Variants in LMBRD1 observed in about 807,000 individuals in gnomAD.
LMBRD1 encodes the protein LMBR1 domain containing 1.
A neutral mutation model predicts 74.8 loss-of-function variants in LMBRD1; 64 were observed. The ratio of observed to expected loss-of-function variants is 0.86; its 90% confidence interval spans 0.70 to 1.05. LMBRD1 has a LOEUF of 1.05. Among genes scored for constraint, LMBRD1 ranks in the 50% least tolerant of loss-of-function variants. The probability of loss-of-function intolerance (pLI) is 0.00; values close to 1 mark genes in which losing one functional copy is unlikely to be tolerated. For missense variants in LMBRD1, 652 were observed against 645.9 expected, an observed-to-expected ratio of 1.01 and a Z score of -0.10; for synonymous variants, 204 against 216.3, an observed-to-expected ratio of 0.94 and a Z score of 0.50.
intron 5 of LMBRD1, chr6:69,746,737 G>C (rs1767241524): frequency 6.5e-6 from 1 of 153,606 alleles, no homozygotes; most frequent in South Asian, 2.0e-4. Context: ...TTGATGCTGG[G>C]GCTGGCACTG....
intron 5 of LMBRD1, among the ~76,000 whole-genome samples, chr6:69,744,162 T>C (rs780241872): frequency 2.0e-5 from 3 of 152,164 alleles, no homozygotes; most frequent in Admixed American, 2.0e-4. Context: ...AACCGAGAGT[T>C]AGAATACAAT....
chr6:69,774,952 A>AGGAAGGAC (rs1765658598), intron 3 of LMBRD1, among the ~76,000 whole-genome samples: 1 of 25,010 alleles, frequency 4.0e-5, no homozygotes, highest in African/African-American at 1.5e-4. Flanking sequence ...GTGAGATGGA[A>AGGAAGGAC]GGAAGGAAGG....
rs747258498 is a variant in LMBRD1 at position 69,701,478 on chromosome 6, T to C, written c.1048A>G (p.Asn350Asp). The stretch of plus-strand genomic sequence containing the variant: ...AAAGGCAAAAGCATATTCAGTGGAT[T>C]ACTCAGGTTAGCTCCAAAAATTATG... Reference protein sequence around the residue: ...GFIIFGANLSNPLNMLLPLLQ... With the variant: ...GFIIFGANLSDPLNMLLPLLQ... Residue 350 changes from asparagine (N) to aspartate (D), a missense_variant, in exon 11 of 16, where the codon AAT becomes GAT. Transcript: ENST00000649934. 6 of 1,607,044 alleles carry C rather than the reference T, an allele frequency of 3.7e-6. No individual in the cohort carries two copies. The highest frequency in any genetic ancestry group is 5.1e-6 in the Non-Finnish European group (6 of 1,174,944).
chr6:69,702,450 A>T lies in LMBRD1; in HGVS notation c.916-497T>A, dbSNP rs1766154956. On this transcript the variant is annotated intron_variant, in intron 9 of 15. Coordinates refer to ENST00000649934, the MANE Select transcript of LMBRD1 (RefSeq NM_018368.4). ...CAATCCATAAAAGCCTATACAAGTG[A>T]TACTATTCCTGAAACAGAGTACTAA... Among the ~76,000 whole-genome samples the T allele has an allele frequency of 5.3e-5, 8 of 152,106 alleles. No individual in the cohort carries two copies. In the South Asian group the frequency reaches 1.7e-3, roughly 32 times the overall value.
At position 69,736,389 on chromosome 6, in the gene LMBRD1, C is replaced by T. The variant is rs183961764; in HGVS notation, c.636+1553G>A. Among the ~76,000 whole-genome samples, 268 of 152,212 alleles carry T rather than the reference C, an allele frequency of 1.8e-3. 1 individual carries two copies. The highest frequency in any genetic ancestry group is 2.0e-3 in the Non-Finnish European group (133 of 68,006). On this transcript the variant is annotated intron_variant, in intron 7 of 15. Transcript: ENST00000649934. ...ACAATACACTCTATTATGTGCAGGT[C>T]TCATCTAGTTCTCTCCCCATTGCCC...
rs1765515119 is a variant in LMBRD1, at chr6:69,674,849, T to A, written c.*1309A>T. 6.6e-6 allele frequency among the ~76,000 whole-genome samples: 1 copy of A among 152,124 alleles called. No homozygotes were observed. Among genetic ancestry groups the A allele is most frequent in the East Asian group, 1.9e-4 (1 of 5,184 alleles). On this transcript the variant is annotated 3_prime_UTR_variant, in exon 16 of 16. Transcript: ENST00000649934. ...CTAGCCAGGCATGGTGGCACATGCC[T>A]GTAATCCCAGCTACTCAGGAGGCTG...
chr6:69,716,099 G>A (rs536902938), intron 8 of LMBRD1, among the ~76,000 whole-genome samples: 26 of 152,192 alleles, frequency 1.7e-4, no homozygotes, highest in Non-Finnish European at 4.4e-5. Flanking sequence ...TGTCTTTATC[G>A]CAGAATGCTT....
At chr6:69,763,433 G>A (rs1202555106) in intron 3 of LMBRD1, among the ~76,000 whole-genome samples, 1 of 152,132 alleles carries the variant, frequency 6.6e-6, no homozygotes, top group East Asian at 1.9e-4. Context: ...CTGCCAGTTT[G>A]AACTGAAGGG....
chr6:69,738,169 G>A (rs1351658832), intron 6 of LMBRD1, among the ~76,000 whole-genome samples, 154 bp from the exon 7 acceptor site: 1 of 152,128 alleles, frequency 6.6e-6, no homozygotes, highest in Non-Finnish European at 1.5e-5. Context: ...ACTCCAAGTG[G>A]AGAAAAGAGT....
chr6:69,764,067 G>A (rs886155713), intron 3 of LMBRD1, among the ~76,000 whole-genome samples: 1 of 152,124 alleles, frequency 6.6e-6, no homozygotes, highest in Non-Finnish European at 1.5e-5. Context: ...TAACACTCTT[G>A]GGGCTGTTAG....
intron 2 of LMBRD1, among the ~76,000 whole-genome samples, chr6:69,782,417 AGGT>A (rs1765855938): frequency 5.9e-5 from 9 of 152,194 alleles, no homozygotes; most frequent in Admixed American, 5.2e-4. Context: ...CCCAAGTCCA[AGGT>A]GTTTATTCTA....
intron 7 of LMBRD1, among the ~76,000 whole-genome samples, chr6:69,737,577 T>C (rs1344751834): frequency 1.3e-5 from 2 of 150,336 alleles, no homozygotes; most frequent in Admixed American, 6.7e-5. Flanking sequence ...GCTTATATTA[T>C]ATATTATATG....
intron 14 of LMBRD1, among the ~76,000 whole-genome samples, chr6:69,691,594 G>A (rs1033704179): frequency 1.3e-5 from 2 of 152,124 alleles, no homozygotes; most frequent in Non-Finnish European, 2.9e-5. Context: ...AAGAAAGCTT[G>A]GGCCGGGCAC....
chr6:69,702,488 A>C (rs7741758), intron 9 of LMBRD1, among the ~76,000 whole-genome samples: 54,684 of 151,800 alleles, frequency 0.36, 10,439 homozygotes, highest in East Asian at 0.54. Context: ...ACACTGAAAA[A>C]ATTGTCAGGT....
At chr6:69,704,907 G>GTTT (rs61054932) in intron 9 of LMBRD1, among the ~76,000 whole-genome samples, 50,292 of 136,814 alleles carry the variant, frequency 0.37, 9,569 homozygotes, top group East Asian at 0.53. Context: ...TTGGACATTT[G>GTTT]TTTTTTTTTT....
chr6:69,702,094 C>CA, intron 9 of LMBRD1, 141 bp from the exon 10 acceptor site: 1 of 623,482 alleles, frequency 1.6e-6, no homozygotes. Context: ...ACTTAGTATA[C>CA]AATTCCAGGC....
chr6:69,686,476 G>T (rs1177407454), intron 14 of LMBRD1, among the ~76,000 whole-genome samples: 2 of 152,038 alleles, frequency 1.3e-5, no homozygotes. Flanking sequence ...AAGGAAAAAA[G>T]AAATGTATAA....
At chr6:69,692,869 G>A (rs756952395) in intron 14 of LMBRD1, among the ~76,000 whole-genome samples, 2 of 151,958 alleles carry the variant, frequency 1.3e-5, no homozygotes, top group African/African-American at 2.4e-5. Flanking sequence ...GGTAAGTGCT[G>A]AACATGTGTT....
At chr6:69,791,685 C>G (rs1399923327) in intron 1 of LMBRD1, among the ~76,000 whole-genome samples, 2 of 152,234 alleles carry the variant, frequency 1.3e-5, no homozygotes, top group Non-Finnish European at 2.9e-5. Context: ...ACTAGTTTTG[C>G]AGCTTCCAAA....
Sources: gnomAD v4.1 joint callset for allele counts (sites outside exome capture counted in the v4.1 genomes callset) on GRCh38, gnomAD v4.1.1 for gene constraint, MANE v1.5 for transcripts, NCBI Gene and HGNC (gene_info 2026-07-23, HGNC 2026-07-21) for gene names.